SLC43A2: variants seen among roughly 807,000 people sequenced by gnomAD.
The protein encoded by SLC43A2 is solute carrier family 43 member 2, also known as large neutral amino acids transporter small subunit 4.
In SLC43A2, 38 loss-of-function variants were observed where a neutral mutation model predicts 63.2. The ratio of observed to expected loss-of-function variants is 0.60; its 90% CI spans 0.46 to 0.79. The LOEUF (loss-of-function observed/expected upper bound fraction) is 0.79, where lower values mean the gene tolerates loss of function less well. SLC43A2 is among the 30% of genes least tolerant of loss of function. SLC43A2 has a pLI of 0.00. For missense variants in SLC43A2, 644 were observed against 756.2 expected (o/e 0.85, Z 1.74); for synonymous variants, 322 against 331.0 (o/e 0.97, Z 0.30).
intron 9 of SLC43A2, among the ~76,000 whole-genome samples, chr17:1,587,277 G>A (rs12948799): frequency 0.14 from 21,031 of 152,232 alleles, 1,829 homozygotes; most frequent in Non-Finnish European, 0.2. Context: ...GGCGGGTAGC[G>A]TGATGGGGAA....
At position 1,577,129 on chromosome 17, in the gene SLC43A2, T is replaced by G. The variant is rs533529208; in HGVS notation, c.1425-409A>C. On this transcript the variant is annotated intron_variant, in intron 12 of 13. Transcript: ENST00000301335. The surrounding 1 kb of genome is among the most constrained non-coding windows in gnomAD (Gnocchi z 4.9). ...TCTGCCTGCCTCGGCCTCCCAAAGT[T>G]CTGGGATTACAGGCGTGAGCCACCG... Among the ~76,000 whole-genome samples, 57 of 152,022 alleles carry G rather than the reference T, an allele frequency of 3.7e-4. No individual in the cohort carries two copies. The South Asian group carries it at 5.4e-3, about 14-fold the overall frequency.
At chr17:1,575,807 G>A in intron 13 of SLC43A2, 42 bp from the exon 14 acceptor site, 3 of 1,562,780 alleles carry the variant, frequency 1.9e-6, no homozygotes, top group Non-Finnish European at 2.6e-6. Context: ...GCGTGGTGGT[G>A]CGCCGAGGCT....
intron 9 of SLC43A2, chr17:1,586,932 C>CCCCCCCCCCCCAA: frequency 7.5e-7 from 1 of 1,330,040 alleles, no homozygotes; most frequent in Non-Finnish European, 1.0e-6. Flanking sequence ...TGACAATCCC[C>CCCCCCCCCCCCAA]CCCACCCCCC....
chr17:1,584,558 A>G (rs1392692417), intron 10 of SLC43A2, among the ~76,000 whole-genome samples: 1 of 152,118 alleles, frequency 6.6e-6, no homozygotes, highest in Non-Finnish European at 1.5e-5. Flanking sequence ...TTATGCCTGT[A>G]ATCCCAGCAC....
chr17:1,594,792 G>C (rs982363086), intron 5 of SLC43A2, among the ~76,000 whole-genome samples: 3 of 151,632 alleles, frequency 2.0e-5, no homozygotes, highest in Non-Finnish European at 2.9e-5. Flanking sequence ...GTTTCACCAC[G>C]TTAGCCAGGA....
chr17:1,581,967 C>T (rs780149547), intron 11 of SLC43A2, among the ~76,000 whole-genome samples: 5 of 151,784 alleles, frequency 3.3e-5, no homozygotes, highest in Admixed American at 6.6e-5. Flanking sequence ...CCACCACGCC[C>T]AGCTAATTTT....
intron 2 of SLC43A2, among the ~76,000 whole-genome samples, chr17:1,617,414 G>A (rs562607866): frequency 3.3e-5 from 5 of 151,132 alleles, no homozygotes; most frequent in African/African-American, 4.9e-5. Context: ...TTTTTGAGGC[G>A]GAGTCTCACT....
Position 1,590,825 on chromosome 17 carries a change from A to G in SLC43A2, c.1055T>C (p.Leu352Pro), listed in dbSNP as rs1025532876. Residue 352 changes from leucine to proline, a missense_variant, in exon 9 of 14, where the codon CTG (leucine) becomes CCG (proline). Around this residue, in one of 3 missense-constraint regions of SLC43A2, gnomAD observed 528 missense variants for 623.6 expected, o/e 0.85. Coordinates refer to ENST00000301335, the MANE Select transcript of SLC43A2 (RefSeq NM_152346.3). ...MGAMNNILKFLVSGDQKTVGL... is the reference protein window; with the variant it reads ...MGAMNNILKFPVSGDQKTVGL... The stretch of plus-strand genomic sequence containing the variant: ...ACCTGTCTTCTGGTCGCCGCTGACC[A>G]GGAACTTGAGGATGTTGTTCATAGC... 1.3e-6 allele frequency: 2 copies of G among 1,555,650 alleles called. No homozygotes were observed. The highest frequency in any genetic ancestry group is 1.7e-6 in the Non-Finnish European group (2 of 1,148,840).
chr17:1,588,882 C>T (rs1226137298), intron 9 of SLC43A2, among the ~76,000 whole-genome samples: 3 of 152,154 alleles, frequency 2.0e-5, no homozygotes, highest in African/African-American at 4.8e-5. Context: ...GAGCCTCTGC[C>T]GCGGGTGGTC....
intron 10 of SLC43A2, among the ~76,000 whole-genome samples, chr17:1,584,556 G>A (rs996656695): frequency 5.3e-5 from 8 of 152,144 alleles, no homozygotes; most frequent in African/African-American, 1.9e-4. Flanking sequence ...GCTTATGCCT[G>A]TAATCCCAGC....
chr17:1,604,689 C>T, intron 5 of SLC43A2: 1 of 1,525,988 alleles, frequency 6.6e-7, no homozygotes, highest in Middle Eastern at 1.7e-4. Context: ...CTAGAGATGG[C>T]TTACATTCCT....
At chr17:1,591,098 T>C (rs557167380) in intron 8 of SLC43A2, 150 bp from the exon 9 acceptor site, 1 of 1,253,660 alleles carries the variant, frequency 8.0e-7, no homozygotes, top group African/African-American at 1.5e-5. Flanking sequence ...TGGGGTCACC[T>C]CTTGGGTGAA....
intron 5 of SLC43A2, among the ~76,000 whole-genome samples, chr17:1,603,977 CT>C (rs1170047944): frequency 6.6e-6 from 1 of 152,138 alleles, no homozygotes; most frequent in Non-Finnish European, 1.5e-5. Flanking sequence ...GATCCCACGG[CT>C]TTTACATGTG....
At chr17:1,616,084 A>G (rs1184656551) in intron 3 of SLC43A2, among the ~76,000 whole-genome samples, 3 of 149,780 alleles carry the variant, frequency 2.0e-5, no homozygotes, top group African/African-American at 7.3e-5. Flanking sequence ...TACATCATTT[A>G]TAATTCCATG....
intron 5 of SLC43A2, among the ~76,000 whole-genome samples, chr17:1,607,204 G>C (rs1243174205): frequency 2.0e-5 from 3 of 152,152 alleles, no homozygotes; most frequent in African/African-American, 7.2e-5. Context: ...TTGAAGATTG[G>C]AGTTAGAAAT....
chr17:1,582,205 G>A lies in SLC43A2; in HGVS notation c.1350+999C>T, dbSNP rs563382169. 9.9e-5 allele frequency among the ~76,000 whole-genome samples: 15 copies of A among 152,032 alleles called. 1 individual carries two copies. The East Asian group carries it at 1.2e-3, about 12-fold the overall frequency. The stretch of plus-strand genomic sequence containing the variant: ...AATGATTCTCCTGCCTCAGCCTCCC[G>A]AGTAGCTGGGATTACAGGAGTGTGC... On this transcript the variant is annotated intron_variant, in intron 11 of 13. Transcript: ENST00000301335.
rs1297174669 is a variant in SLC43A2, at chr17:1,605,834, G to A, written c.501+7361C>T. ...TGCTGCCCGGGACAAGGTCCTTGTGGTCACCTTTCTGCTTCAGTGCTGAAG... is the reference window on the plus strand; with the variant it reads ...TGCTGCCCGGGACAAGGTCCTTGTGATCACCTTTCTGCTTCAGTGCTGAAG... On this transcript the variant is annotated intron_variant, in intron 5 of 13. Transcript: ENST00000301335. This position sits in a 1 kb window ranked among gnomAD's most constrained non-coding sequence, Gnocchi z 4.9. 6.6e-6 allele frequency among the ~76,000 whole-genome samples: 1 copy of A among 152,146 alleles called. No homozygotes were observed. The highest frequency in any genetic ancestry group is 2.4e-5 in the African/African-American group (1 of 41,424).
In SLC43A2 at chr17:1,585,547, A is replaced by G. The variant is rs549358849; in HGVS notation, c.1217+366T>C. 272 of 679,686 alleles carry G rather than the reference A, an allele frequency of 4.0e-4. 1 individual carries two copies. In the African/African-American group the frequency reaches 5.0e-3, roughly 13 times the overall value. The allele number at this position is 679,686 out of a possible 1,614,324, so 42.1% of individuals were successfully genotyped here. A position where few individuals can be genotyped will look rare whatever the true frequency, so the allele number is the denominator to read the frequency against. On this transcript the variant is annotated intron_variant, in intron 10 of 13. Transcript: ENST00000301335. Reference sequence around the variant, plus strand: ...AGGCATGAACCACCCTCCCTGGCCAATTTTTAAATTTTTTGTAGAGACGGG... The same window carrying G: ...AGGCATGAACCACCCTCCCTGGCCAGTTTTTAAATTTTTTGTAGAGACGGG...
intron 4 of SLC43A2, among the ~76,000 whole-genome samples, chr17:1,614,348 G>T (rs1907396887): frequency 6.6e-6 from 1 of 151,968 alleles, no homozygotes; most frequent in Admixed American, 6.6e-5. Context: ...GAGGTCCAGG[G>T]TGCAGTAAGC....
Sources: gnomAD v4.1 joint callset for allele counts (sites outside exome capture counted in the v4.1 genomes callset) on GRCh38, gnomAD v4.1.1 for gene constraint, gnomAD v4.1.1 regional missense constraint, Gnocchi (gnomAD v3.1) non-coding constraint, MANE v1.5 for transcripts, NCBI Gene and HGNC (gene_info 2026-07-23, HGNC 2026-07-21) for gene names.